SAA2: variants seen among roughly 807,000 people sequenced by gnomAD.
SAA2 encodes serum amyloid A2.
In SAA2, 5 loss-of-function variants were observed where a neutral mutation model predicts 9.1. That is an observed-to-expected ratio of 0.55 (90% confidence interval 0.29 to 1.16). The LOEUF (loss-of-function observed/expected upper bound fraction) is 1.16, where lower values mean the gene tolerates loss of function less well. Ranked by LOEUF, SAA2 falls within the 50% of genes most tolerant of loss-of-function variation. The probability of loss-of-function intolerance (pLI) is 0.09; values close to 1 mark genes in which losing one functional copy is unlikely to be tolerated. For missense variants in SAA2, 94 were observed against 153.8 expected (o/e 0.61, Z 2.06); for synonymous variants, 49 against 59.8 (o/e 0.82, Z 0.83).
At chr11:18,242,912 T>C (rs1421795517), downstream of SAA2, 1 of 666,504 alleles carries the variant, frequency 1.5e-6, no homozygotes, top group Non-Finnish European at 2.7e-6. Flanking sequence ...TCTCAAACTT[T>C]TCTAACAGAG....
chr11:18,243,328 T>G (rs960795683), downstream of SAA2, among the ~76,000 whole-genome samples: 1 of 152,214 alleles, frequency 6.6e-6, no homozygotes, highest in Non-Finnish European at 1.5e-5. Context: ...AGCCATTCTT[T>G]CTCTCATCCT....
At chr11:18,241,318 C>T (rs1253356082), downstream of SAA2, among the ~76,000 whole-genome samples, 3 of 152,150 alleles carry the variant, frequency 2.0e-5, no homozygotes, top group African/African-American at 7.2e-5. Flanking sequence ...CTGTGGAAAG[C>T]AGTATGGAGA....
downstream of SAA2, among the ~76,000 whole-genome samples, chr11:18,238,266 T>C (rs576590647): frequency 1.1e-4 from 16 of 152,238 alleles, no homozygotes; most frequent in Non-Finnish European, 2.2e-4. Flanking sequence ...TTTTTATTTA[T>C]CACATTAGAG....
chr11:18,239,533 C>A (rs1236868970), exon 4 of SAA2: 3 of 397,010 alleles, frequency 7.6e-6, no homozygotes, highest in African/African-American at 2.1e-5. Context: ...GTTCTCCAGA[C>A]CTTCTCCTGC....
At chr11:18,240,560 C>T (rs1468587992), downstream of SAA2, among the ~76,000 whole-genome samples, 2 of 151,912 alleles carry the variant, frequency 1.3e-5, no homozygotes, top group Non-Finnish European at 2.9e-5. Context: ...ATAGAGAACC[C>T]AAAAATAAAA....
chr11:18,240,237 A>C (rs1226533682), intron 3 of SAA2: 2 of 704,322 alleles, frequency 2.8e-6, no homozygotes, highest in Non-Finnish European at 5.2e-6. Flanking sequence ...AGCAGGTGTC[A>C]TCTTTTGAAA....
At chr11:18,244,961 G>C (rs1857458803), downstream of SAA2, among the ~76,000 whole-genome samples, 3 of 152,186 alleles carry the variant, frequency 2.0e-5, no homozygotes, top group African/African-American at 7.2e-5. Flanking sequence ...AGAACTGAGG[G>C]ACAGAGAAGG....
downstream of SAA2, chr11:18,240,359 C>A: frequency 1.4e-6 from 1 of 698,816 alleles, no homozygotes; most frequent in East Asian, 2.7e-5. Flanking sequence ...AGCCATAAGG[C>A]AGATAAAAGA....
chr11:18,239,863 G>A, exon 4 of SAA2: 1 of 1,502,348 alleles, frequency 6.7e-7, no homozygotes, highest in South Asian at 1.3e-5. Context: ...CTTGTTAGTG[G>A]TGGTTATTTA....
rs72865103 is a variant in SAA2 at position 18,239,971 on chromosome 11, T to G, written c.231-2A>C. 2 of 1,551,032 alleles carry G rather than the reference T, an allele frequency of 1.3e-6. No homozygotes were observed. Among genetic ancestry groups the G allele is most frequent in the Non-Finnish European group, 1.7e-6 (2 of 1,146,672 alleles). On this transcript the variant is annotated splice_acceptor_variant, in intron 3 of 3. Coordinates refer to the SAA2 transcript ENST00000414546. LOFTEE classifies it high-confidence loss of function. ...CTCTACAGTTCAGCTGAAAATAAAC[T>G]GACAAAGGCAGATTAATAGGAGAAA... is the stretch of plus-strand genomic sequence containing the variant.
chr11:18,242,730 C>G (rs942019214), downstream of SAA2: 1 of 697,638 alleles, frequency 1.4e-6, no homozygotes, highest in Non-Finnish European at 2.6e-6. Context: ...TCTGCAGTCC[C>G]AGTTATTCAA....
exon 4 of SAA2, chr11:18,239,467 G>T: frequency 2.7e-6 from 1 of 377,058 alleles, no homozygotes; most frequent in Non-Finnish European, 4.7e-6. Context: ...GATGTCTGGG[G>T]TGTCCAGGAG....
At chr11:18,246,758 C>G (rs1857564209) in intron 2 of SAA2, among the ~76,000 whole-genome samples, 1 of 152,030 alleles carries the variant, frequency 6.6e-6, no homozygotes, top group Non-Finnish European at 1.5e-5. Flanking sequence ...CTCCGGAACT[C>G]ATGACCTCAA....
chr11:18,245,654 C>A (rs1052899768), intron 3 of SAA2, 139 bp from the exon 4 acceptor site: 119 of 1,390,832 alleles, frequency 8.6e-5, no homozygotes, highest in Non-Finnish European at 1.1e-4. Context: ...AACACTGACC[C>A]TGCCTGGGCA....
At chr11:18,248,136 T>A in intron 1 of SAA2, 121 bp from the exon 2 acceptor site, 1 of 1,081,744 alleles carries the variant, frequency 9.2e-7, no homozygotes, top group South Asian at 1.6e-5. Context: ...CAGTGGCTCA[T>A]CTAGGAAACC....
At chr11:18,246,156 T>A in intron 2 of SAA2, 108 bp from the exon 3 acceptor site, 1 of 1,479,426 alleles carries the variant, frequency 6.8e-7, no homozygotes, top group Middle Eastern at 2.2e-4. Flanking sequence ...CTTCAAGCTT[T>A]CAGCCTGTGA....
At chr11:18,243,888 G>C (rs1294494441), downstream of SAA2, among the ~76,000 whole-genome samples, 1 of 152,092 alleles carries the variant, frequency 6.6e-6, no homozygotes, top group Non-Finnish European at 1.5e-5. Flanking sequence ...GCTGGAGCTG[G>C]ACCCTGTGAA....
At chr11:18,241,370 A>G (rs1012125060), downstream of SAA2, among the ~76,000 whole-genome samples, 6 of 152,238 alleles carry the variant, frequency 3.9e-5, no homozygotes, top group Non-Finnish European at 7.3e-5. Flanking sequence ...TTGACCCAGC[A>G]GTCCCATTAC....
rs376452063 is a variant in SAA2 at position 18,245,874 on chromosome 11, C to T, written c.230+36G>A. 1.7e-5 allele frequency: 28 copies of T among 1,613,510 alleles called. No homozygotes were observed. The African/African-American group carries it at 2.9e-4, about 17-fold the overall frequency. On this transcript the variant is annotated intron_variant, in intron 3 of 3. Coordinates refer to ENST00000256733, the MANE Select transcript of SAA2 (RefSeq NM_030754.5). ...GACTGTCCAAGGCAGGCAAGCTCTG[C>T]TCACCCAGCCCTAACGTCCCAGGAG...
Sources: gnomAD v4.1 joint callset for allele counts (sites outside exome capture counted in the v4.1 genomes callset) on GRCh38, gnomAD v4.1.1 for gene constraint, MANE v1.5 for transcripts, NCBI Gene and HGNC (gene_info 2026-07-23, HGNC 2026-07-21) for gene names.